The following ANOS1 variants were observed in gnomAD, a reference collection of about 807,000 sequenced individuals.
ANOS1 encodes anosmin-1.
In ANOS1, 6 loss-of-function variants were observed where a neutral mutation model predicts 59.0. The observed-to-expected ratio is 0.10, with a 90% confidence interval of 0.06 to 0.20. The LOEUF is 0.20. Among genes scored for constraint, ANOS1 ranks in the 10% least tolerant of loss-of-function variants. ANOS1 has a pLI of 1.00. For synonymous variants in ANOS1, 217 were observed against 223.4 expected, an observed-to-expected ratio of 0.97 and a Z score of 0.25; for missense variants, 433 against 542.3, an observed-to-expected ratio of 0.80 and a Z score of 2.00.
At chrX:8,725,597 TATATATATACAG>T (rs1355238332) in intron 1 of ANOS1, among the ~76,000 whole-genome samples, 3 of 38,868 alleles carry the variant, frequency 7.7e-5, no homozygotes, top group African/African-American at 3.7e-4. Flanking sequence ...TATATACAGA[TATATATATACAG>T]ATATATATAT....
intron 3 of ANOS1, among the ~76,000 whole-genome samples, chrX:8,613,506 G>A (rs1400891215): frequency 1.8e-5 from 2 of 111,031 alleles, no homozygotes; most frequent in Admixed American, 9.6e-5. Flanking sequence ...TATTACAGGT[G>A]TGAGCCACTG....
chrX:8,623,478 C>CCA, intron 3 of ANOS1, 130 bp downstream of exon 3: 1 of 535,468 alleles, frequency 1.9e-6, no homozygotes, highest in Admixed American at 2.8e-5. Flanking sequence ...TTACGTATAT[C>CCA]CACACACACC....
intron 3 of ANOS1, among the ~76,000 whole-genome samples, chrX:8,610,702 G>A (rs1405424078): frequency 7.2e-5 from 8 of 111,754 alleles, no homozygotes; most frequent in Non-Finnish European, 1.9e-5. Flanking sequence ...CACAATTCAT[G>A]AAGCATTGGC....
At chrX:8,633,750 G>A (rs772792262) in intron 2 of ANOS1, among the ~76,000 whole-genome samples, 2 of 111,952 alleles carry the variant, frequency 1.8e-5, no homozygotes, top group South Asian at 7.5e-4. Flanking sequence ...ACAGAGGCAG[G>A]ATTCCTGCCC....
chrX:8,553,929 A>C (rs948376137), intron 9 of ANOS1, 23 bp downstream of exon 9: 4 of 1,189,569 alleles, frequency 3.4e-6, no homozygotes, highest in Non-Finnish European at 4.6e-6. Context: ...CAAGTAAGAA[A>C]TAAGTAAGTA....
intron 8 of ANOS1, chrX:8,565,817 C>CCAGAGTTTGT (rs1313243740): frequency 1.5e-5 from 2 of 130,280 alleles, no homozygotes; most frequent in Admixed American, 1.9e-4. Context: ...TGTGTTTGAA[C>CCAGAGTTTGT]GTTTTATTTG....
At chrX:8,688,907 C>T (rs3992046) in intron 2 of ANOS1, among the ~76,000 whole-genome samples, 1 of 111,603 alleles carries the variant, frequency 9.0e-6, no homozygotes. Flanking sequence ...AAGTTCTCAG[C>T]GTGAGGGCAG....
At position 8,688,848 on chromosome X, in the gene ANOS1, G is replaced by A. The variant is rs752616258; in HGVS notation, c.255+10850C>T. Among the ~76,000 whole-genome samples, 95 of 111,960 alleles carry A rather than the reference G, an allele frequency of 8.5e-4. 1 individual carries two copies. The highest frequency in any genetic ancestry group is 1.7e-3 in the Non-Finnish European group (88 of 53,232). On this transcript the variant is annotated intron_variant, in intron 2 of 13. Transcript: ENST00000262648. ...GGCTAAAATAACCTGGAATGTTTCA[G>A]CTACCACAGGCTAATGATCACCCAA...
intron 2 of ANOS1, among the ~76,000 whole-genome samples, chrX:8,647,887 C>T (rs1005918972): frequency 1.8e-5 from 2 of 111,902 alleles, no homozygotes; most frequent in Admixed American, 9.5e-5. Context: ...CCCTGACATG[C>T]TCTATGCAGC....
chrX:8,585,540 C>G, intron 5 of ANOS1, 144 bp from the exon 6 acceptor site: 1 of 626,637 alleles, frequency 1.6e-6, no homozygotes, highest in Non-Finnish European at 2.6e-6. Flanking sequence ...TTATCATGCC[C>G]AGTTATGAAG....
At chrX:8,555,712 A>G (rs2146798165) in intron 8 of ANOS1, among the ~76,000 whole-genome samples, 1 of 112,089 alleles carries the variant, frequency 8.9e-6, no homozygotes, top group Non-Finnish European at 1.9e-5. Context: ...ATAGCCTACC[A>G]ACCAAAAAAA....
At chrX:8,709,224 A>C (rs2146904455) in intron 1 of ANOS1, among the ~76,000 whole-genome samples, 1 of 109,604 alleles carries the variant, frequency 9.1e-6, no homozygotes, top group South Asian at 4.1e-4. Flanking sequence ...TATGTAACAA[A>C]CCTGAAAGTT....
chrX:8,537,159 T>C (rs1929609730), intron 10 of ANOS1, among the ~76,000 whole-genome samples: 1 of 111,911 alleles, frequency 8.9e-6, no homozygotes, highest in African/African-American at 3.3e-5. Flanking sequence ...CCTTCTAGAA[T>C]TAAACAGTAT....
At chrX:8,647,819 C>T (rs1023736247) in intron 2 of ANOS1, among the ~76,000 whole-genome samples, 15 of 111,441 alleles carry the variant, frequency 1.3e-4, no homozygotes, top group African/African-American at 4.6e-4. Context: ...GAAAATGAAT[C>T]GTTTGAGCCA....
intron 1 of ANOS1, among the ~76,000 whole-genome samples, chrX:8,702,887 C>T (rs1305495382): frequency 8.9e-6 from 1 of 112,119 alleles, no homozygotes; most frequent in Non-Finnish European, 1.9e-5. Context: ...TCTTTTTCAG[C>T]ACCATCTTGG....
chrX:8,619,694 C>T (rs771492918), intron 3 of ANOS1, among the ~76,000 whole-genome samples: 26 of 112,054 alleles, frequency 2.3e-4, no homozygotes, highest in South Asian at 3.7e-4. Flanking sequence ...ATAACAAAAT[C>T]GGTAATCAAA....
chrX:8,625,875 G>A (rs1931380623), intron 2 of ANOS1, among the ~76,000 whole-genome samples: 1 of 110,175 alleles, frequency 9.1e-6, no homozygotes, highest in African/African-American at 3.3e-5. Context: ...CACTTTGGGA[G>A]GCCGAGGCGG....
intron 2 of ANOS1, among the ~76,000 whole-genome samples, chrX:8,696,477 T>C (rs180992990): frequency 1.6e-4 from 18 of 112,097 alleles, no homozygotes; most frequent in African/African-American, 5.8e-4. Context: ...GAGCAATCTC[T>C]CTCACCAGTG....
intron 3 of ANOS1, among the ~76,000 whole-genome samples, chrX:8,621,917 T>C (rs981131859): frequency 8.9e-6 from 1 of 112,025 alleles, no homozygotes; most frequent in African/African-American, 3.2e-5. Context: ...TCATGTTGAA[T>C]AAATGAATGA....
Sources: allele counts gnomAD v4.1 joint callset (sites outside exome capture counted in the v4.1 genomes callset), GRCh38; gene constraint gnomAD v4.1.1; transcripts MANE v1.5; gene names NCBI Gene and HGNC (gene_info 2026-07-23, HGNC 2026-07-21).